POPDC3: variants seen among roughly 807,000 people sequenced by gnomAD.
POPDC3 encodes popeye domain-containing protein 3.
POPDC3 carries 20 observed loss-of-function variants against 28.2 expected under a neutral mutation model. The ratio of observed to expected loss-of-function variants is 0.71; its 90% CI spans 0.50 to 1.03. The LOEUF is 1.03. Ranked by LOEUF, POPDC3 falls within the 50% of genes least tolerant of loss-of-function variation. The pLI is 0.00. For missense variants in POPDC3, 316 were observed against 345.9 expected (o/e 0.91, Z 0.69); for synonymous variants, 118 against 124.1 (o/e 0.95, Z 0.33).
At chr6:105,177,342 A>C (rs1774699837) in intron 1 of POPDC3, among the ~76,000 whole-genome samples, 1 of 151,956 alleles carries the variant, frequency 6.6e-6, no homozygotes, top group Non-Finnish European at 1.5e-5. Context: ...TTTTTTTTTC[A>C]GATTCACACT....
At chr6:105,164,875 T>G (rs1774426760) in intron 1 of POPDC3, among the ~76,000 whole-genome samples, 1 of 152,182 alleles carries the variant, frequency 6.6e-6, no homozygotes, top group African/African-American at 2.4e-5. Context: ...TTTAAATTGT[T>G]AAGATTACGA....
chr6:105,171,734 A>AGGTGG (rs1554198595), intron 1 of POPDC3, among the ~76,000 whole-genome samples: 1 of 151,242 alleles, frequency 6.6e-6, no homozygotes, highest in Non-Finnish European at 1.5e-5. Flanking sequence ...CCTGCATTTT[A>AGGTGG]GTGAAATTCC....
chr6:105,170,636 A>G (rs1774556035), intron 1 of POPDC3, among the ~76,000 whole-genome samples: 1 of 152,190 alleles, frequency 6.6e-6, no homozygotes, highest in African/African-American at 2.4e-5. Flanking sequence ...TAGCACTTCT[A>G]CGCCACTTTA....
chr6:105,159,664 T>C (rs1333875795), intron 3 of POPDC3, 47 bp downstream of exon 3: 3 of 1,010,740 alleles, frequency 3.0e-6, no homozygotes, highest in Non-Finnish European at 4.7e-6. Flanking sequence ...TAAACAAACA[T>C]CTGTTTGAAA....
chr6:105,173,410 A>G (rs1012894565), intron 1 of POPDC3, among the ~76,000 whole-genome samples: 2 of 152,206 alleles, frequency 1.3e-5, no homozygotes, highest in African/African-American at 4.8e-5. Flanking sequence ...TGTGTTTGGA[A>G]CTTGAATTCT....
At chr6:105,171,684 AATAATT>A (rs1774580684) in intron 1 of POPDC3, among the ~76,000 whole-genome samples, 1 of 150,972 alleles carries the variant, frequency 6.6e-6, no homozygotes, top group Non-Finnish European at 1.5e-5. Context: ...TAATAATAAT[AATAATT>A]ATTATTATTA....
chr6:105,161,498 A>G lies in POPDC3; in HGVS notation c.412T>C (p.Leu138=), dbSNP rs1402703260. 6.2e-7 allele frequency: 1 copy of G among 1,614,208 alleles called. No individual in the cohort carries two copies. Among genetic ancestry groups the G allele is most frequent in the African/African-American group, 1.3e-5 (1 of 75,044 alleles). The stretch of plus-strand genomic sequence containing the variant: ...ATGGCATAACAGTGTTCCTTTTCCA[A>G]AGTAACCACTTCAGAGCTCAAAGCA... ...TIALSSEVVT[L]EKEHCYAMQG... The change falls in exon 2 of 4, where the codon TTG becomes CTG. Residue 138 remains leucine (L), a synonymous_variant. Transcript: ENST00000254765.
chr6:105,162,250 G>T, intron 1 of POPDC3, 90 bp from the exon 2 acceptor site: 1 of 648,124 alleles, frequency 1.5e-6, no homozygotes, highest in Non-Finnish European at 2.0e-6. Context: ...TACTTAGCAA[G>T]CTGACCTCCC....
intron 1 of POPDC3, among the ~76,000 whole-genome samples, chr6:105,171,900 T>C (rs1774585043): frequency 6.6e-6 from 1 of 151,050 alleles, no homozygotes; most frequent in African/African-American, 2.4e-5. Flanking sequence ...CCCAGCCTGG[T>C]CTTAAACTCC....
intron 1 of POPDC3, among the ~76,000 whole-genome samples, chr6:105,174,626 G>A (rs772334032): frequency 6.6e-6 from 1 of 152,138 alleles, no homozygotes; most frequent in Non-Finnish European, 1.5e-5. Context: ...ACTGTGTATT[G>A]TCTCTGCACC....
At chr6:105,171,543 C>T (rs1774577448) in intron 1 of POPDC3, among the ~76,000 whole-genome samples, 1 of 151,964 alleles carries the variant, frequency 6.6e-6, no homozygotes, top group Admixed American at 6.6e-5. Flanking sequence ...TGGTGGCATG[C>T]ACCTGTATTC....
rs199923532 is a variant in POPDC3, at chr6:105,161,478, A to G, written c.432T>C (p.Tyr144=). ...CAATGGAAGTTTTCCCCTGCATGGCATAACAGTGTTCCTTTTCCAAAGTAA... is the reference window on the plus strand; with the variant it reads ...CAATGGAAGTTTTCCCCTGCATGGCGTAACAGTGTTCCTTTTCCAAAGTAA... ...EVVTLEKEHC[Y]AMQGKTSIDK... The change falls in exon 2 of 4, where the codon TAT becomes TAC. Residue 144 remains tyrosine (Y), a synonymous_variant. Transcript: ENST00000254765. The G allele has an allele frequency of 8.5e-5, 137 of 1,614,214 alleles. No individual in the cohort carries two copies. The highest frequency in any genetic ancestry group is 4.9e-4 in the Middle Eastern group (3 of 6,062).
intron 1 of POPDC3, among the ~76,000 whole-genome samples, chr6:105,164,654 A>G (rs529164968): frequency 6.6e-6 from 1 of 152,234 alleles, no homozygotes; most frequent in Non-Finnish European, 1.5e-5. Context: ...TGATTCATCA[A>G]CCAGCTGTCT....
intron 1 of POPDC3, among the ~76,000 whole-genome samples, chr6:105,174,057 C>G (rs1774634475): frequency 6.6e-6 from 1 of 152,100 alleles, no homozygotes; most frequent in African/African-American, 2.4e-5. Flanking sequence ...GAAATTTTTT[C>G]TTAGATGGAG....
chr6:105,170,617 G>A (rs1406328810), intron 1 of POPDC3, among the ~76,000 whole-genome samples: 1 of 152,156 alleles, frequency 6.6e-6, no homozygotes, highest in Non-Finnish European at 1.5e-5. Context: ...TCAACAACAT[G>A]ACACTTAATA....
At chr6:105,164,617 C>T (rs1774420990) in intron 1 of POPDC3, among the ~76,000 whole-genome samples, 1 of 152,216 alleles carries the variant, frequency 6.6e-6, no homozygotes. Context: ...CTGACATGTG[C>T]CAGCAGCACT....
chr6:105,161,533 AAG>A lies in POPDC3; in HGVS notation c.375_376del (p.Phe126GlnfsTer8). Reference sequence around the variant, plus strand: ...TTCAGAGCTCAAAGCAATCGTTCTGAAGACAGGCAAAGAGATCCCCAGGGGCT... The same window carrying A: ...TTCAGAGCTCAAAGCAATCGTTCTGAACAGGCAAAGAGATCCCCAGGGGCT... On this transcript the variant is annotated frameshift_variant, in exon 2 of 4. Transcript: ENST00000254765. LOFTEE classifies it high-confidence loss of function. 1 of 1,614,222 alleles carries A rather than the reference AAG, an allele frequency of 6.2e-7. No homozygotes were observed.
chr6:105,175,647 G>A (rs1325203224), intron 1 of POPDC3, among the ~76,000 whole-genome samples: 1 of 151,968 alleles, frequency 6.6e-6, no homozygotes, highest in Non-Finnish European at 1.5e-5. Context: ...TTTGACACTA[G>A]CTTGGGCAAC....
At chr6:105,179,751 T>G (rs1238432803) in intron 1 of POPDC3, 82 bp downstream of exon 1, 2 of 152,100 alleles carry the variant, frequency 1.3e-5, no homozygotes, top group Admixed American at 1.3e-4. Flanking sequence ...CCCGCTAAGT[T>G]GCCCGAAGCG....
Sources: gnomAD v4.1 joint callset for allele counts (sites outside exome capture counted in the v4.1 genomes callset) on GRCh38, gnomAD v4.1.1 for gene constraint, MANE v1.5 for transcripts, NCBI Gene and HGNC (gene_info 2026-07-23, HGNC 2026-07-21) for gene names.